The following IGFBP7 variants were observed in gnomAD, a reference collection of about 807,000 sequenced individuals.
The protein encoded by IGFBP7 is insulin-like growth factor-binding protein 7.
Under a neutral mutation model 29.4 loss-of-function variants are expected in IGFBP7, and 31 were observed. That is an observed-to-expected ratio of 1.05 (90% CI 0.79 to 1.42). The LOEUF (loss-of-function observed/expected upper bound fraction) is 1.42. IGFBP7 is among the 40% of genes most tolerant of loss of function. The pLI, the probability that IGFBP7 is intolerant of heterozygous loss-of-function variation, is 0.00. For synonymous variants in IGFBP7, 172 were observed against 174.9 expected (o/e 0.98, Z 0.13); for missense variants, 393 against 395.5 (o/e 0.99, Z 0.05).
chr4:57,057,936 A>G (rs1489035016), intron 1 of IGFBP7, among the ~76,000 whole-genome samples: 1 of 152,188 alleles, frequency 6.6e-6, no homozygotes, highest in African/African-American at 2.4e-5. Flanking sequence ...ACTCAAATAG[A>G]GAAAATAAGA....
At chr4:57,108,644 C>T (rs1394679013) in intron 1 of IGFBP7, among the ~76,000 whole-genome samples, 1 of 151,946 alleles carries the variant, frequency 6.6e-6, no homozygotes, top group African/African-American at 2.4e-5. Flanking sequence ...CAGATTCAAG[C>T]GATTCTCCTG....
chr4:57,084,060 A>C (rs1182521209), intron 1 of IGFBP7, among the ~76,000 whole-genome samples: 2 of 152,340 alleles, frequency 1.3e-5, no homozygotes, highest in African/African-American at 4.8e-5. Context: ...TAAAATACAA[A>C]TATACCCTAC....
chr4:57,092,016 T>C (rs1725653677), intron 1 of IGFBP7, among the ~76,000 whole-genome samples: 1 of 152,204 alleles, frequency 6.6e-6, no homozygotes, highest in Non-Finnish European at 1.5e-5. Context: ...AAAGAGCTGC[T>C]GAGATTCAAC....
At chr4:57,074,352 C>T (rs530919912) in intron 1 of IGFBP7, among the ~76,000 whole-genome samples, 1 of 152,132 alleles carries the variant, frequency 6.6e-6, no homozygotes, top group South Asian at 2.1e-4. Context: ...TGAGCCACCT[C>T]GTCCGGCCTG....
intron 1 of IGFBP7, among the ~76,000 whole-genome samples, chr4:57,055,844 T>G (rs1040603369): frequency 6.6e-6 from 1 of 152,060 alleles, no homozygotes; most frequent in Admixed American, 6.5e-5. Context: ...TCCGATTGCC[T>G]CTCTGTTAAG....
At chr4:57,089,307 G>T (rs4865180) in intron 1 of IGFBP7, among the ~76,000 whole-genome samples, 102,174 of 152,060 alleles carry the variant, frequency 0.67, 35,264 homozygotes, top group South Asian at 0.81. Flanking sequence ...AACTTTTTCT[G>T]TTTTTGAGTT....
intron 2 of IGFBP7, among the ~76,000 whole-genome samples, chr4:57,040,044 G>A (rs533998833): frequency 1.6e-4 from 25 of 152,184 alleles, no homozygotes; most frequent in African/African-American, 4.8e-4. Context: ...ATTCAGAAAG[G>A]AGACATTTTT....
chr4:57,054,931 C>T (rs1324174129), intron 1 of IGFBP7, among the ~76,000 whole-genome samples: 2 of 152,160 alleles, frequency 1.3e-5, no homozygotes, highest in African/African-American at 4.8e-5. Flanking sequence ...GAGAACCAGA[C>T]ACGTGTTTAG....
intron 1 of IGFBP7, among the ~76,000 whole-genome samples, chr4:57,053,237 G>A (rs1244018040): frequency 6.6e-6 from 1 of 152,106 alleles, no homozygotes; most frequent in African/African-American, 2.4e-5. Flanking sequence ...GGCTGATCTC[G>A]AACTCCTGAC....
intron 1 of IGFBP7, among the ~76,000 whole-genome samples, chr4:57,086,559 A>G (rs1725502298): frequency 6.6e-6 from 1 of 152,160 alleles, no homozygotes; most frequent in African/African-American, 2.4e-5. Context: ...GCTTGGTGGC[A>G]TAGGTGGCTT....
At chr4:57,032,700 A>T in intron 3 of IGFBP7, 148 bp from the exon 4 acceptor site, 1 of 696,390 alleles carries the variant, frequency 1.4e-6, no homozygotes, top group Admixed American at 2.3e-5. Flanking sequence ...GTCCTGTGAT[A>T]GGAGACTTCG....
chr4:57,049,980 T>C (rs1292570874), intron 1 of IGFBP7, among the ~76,000 whole-genome samples: 1 of 152,188 alleles, frequency 6.6e-6, no homozygotes, highest in South Asian at 2.1e-4. Context: ...GCTGGCAGAT[T>C]ATTAATCATG....
intron 1 of IGFBP7, among the ~76,000 whole-genome samples, chr4:57,046,825 G>C (rs1724372532): frequency 6.6e-6 from 1 of 152,108 alleles, no homozygotes; most frequent in Non-Finnish European, 1.5e-5. Flanking sequence ...GTCCACCCAA[G>C]GTGGACTACC....
At chr4:57,063,523 AG>A (rs1046699248) in intron 1 of IGFBP7, among the ~76,000 whole-genome samples, 1 of 152,230 alleles carries the variant, frequency 6.6e-6, no homozygotes, top group Non-Finnish European at 1.5e-5. Flanking sequence ...AAATAACAAG[AG>A]TTTAGGAACC....
intron 1 of IGFBP7, chr4:57,073,215 C>A: frequency 1.1e-6 from 1 of 895,816 alleles, no homozygotes; most frequent in South Asian, 1.7e-5. Context: ...TTGTATAGCA[C>A]TCTGTATCTT....
At chr4:57,049,952 T>C (rs893442661) in intron 1 of IGFBP7, among the ~76,000 whole-genome samples, 4 of 152,236 alleles carry the variant, frequency 2.6e-5, no homozygotes, top group Admixed American at 2.0e-4. Flanking sequence ...AGTGGTGTTA[T>C]AACTATCTTA....
chr4:57,057,531 C>G (rs1034605890), intron 1 of IGFBP7, among the ~76,000 whole-genome samples: 9 of 152,288 alleles, frequency 5.9e-5, no homozygotes, highest in African/African-American at 2.2e-4. Context: ...GATTTGGCGC[C>G]TCTTCAGAGC....
At chr4:57,044,368 A>G (rs1724308775) in intron 1 of IGFBP7, among the ~76,000 whole-genome samples, 1 of 152,180 alleles carries the variant, frequency 6.6e-6, no homozygotes, top group African/African-American at 2.4e-5. Flanking sequence ...GTATAGTCCA[A>G]TTTATCAAGT....
intron 2 of IGFBP7, among the ~76,000 whole-genome samples, chr4:57,034,774 T>C (rs1724043677): frequency 6.6e-6 from 1 of 152,130 alleles, no homozygotes; most frequent in African/African-American, 2.4e-5. Flanking sequence ...AGAAAAAATA[T>C]CTTGCATGAT....
Sources: gnomAD v4.1 joint callset for allele counts (sites outside exome capture counted in the v4.1 genomes callset) on GRCh38, gnomAD v4.1.1 for gene constraint, MANE v1.5 for transcripts, NCBI Gene and HGNC (gene_info 2026-07-23, HGNC 2026-07-21) for gene names.